The following GPHN variants were observed in gnomAD, a reference collection of about 807,000 sequenced individuals.
GPHN encodes gephyrin.
Under a neutral mutation model 95.5 loss-of-function variants are expected in GPHN, and 17 were observed. That is an observed-to-expected ratio of 0.18 (90% CI 0.12 to 0.27). The LOEUF (loss-of-function observed/expected upper bound fraction) is 0.27. GPHN is among the 10% of genes least tolerant of loss of function. GPHN has a pLI of 1.00. For missense variants in GPHN, 660 were observed against 978.1 expected (o/e 0.67, Z 4.34); for synonymous variants, 320 against 322.5 (o/e 0.99, Z 0.08).
In GPHN at chr14:67,159,472, G is replaced by A; in HGVS notation, c.1894G>A (p.Val632Ile). 1 of 1,603,914 alleles carries A rather than the reference G, an allele frequency of 6.2e-7. No individual in the cohort carries two copies. The highest frequency in any genetic ancestry group is 8.5e-7 in the Non-Finnish European group (1 of 1,170,788). ...TCATGCTCAGATCCATTTTGGCAGG[G>A]TTTTTATGAAACCAGGGTATGAAAA... ...DLHAQIHFGRVFMKPGLPTTF... is the reference protein window; with the variant it reads ...DLHAQIHFGRIFMKPGLPTTF... The change falls in exon 19 of 23, where the codon GTT (valine) becomes ATT (isoleucine). Residue 632 changes from valine (V) to isoleucine (I), a missense_variant. Physicochemically the swap from Val to Ile is conservative, Grantham distance 29. Coordinates refer to ENST00000478722, the MANE Select transcript of GPHN (RefSeq NM_020806.5).
At chr14:67,575,175 G>A in the GPHN span, among the ~76,000 whole-genome samples, 1 of 152,110 alleles carries the variant, frequency 6.6e-6, no homozygotes, top group Non-Finnish European at 1.5e-5. Context: ...TTCATGGCAG[G>A]TCATAGGTCA....
At chr14:67,323,960 T>C in the GPHN span, 1 of 534,586 alleles carries the variant, frequency 1.9e-6, no homozygotes, top group East Asian at 3.7e-5. Context: ...AAAATTGCCA[T>C]GGTTGCCACT....
chr14:67,102,528 C>T (rs566501531), intron 13 of GPHN, among the ~76,000 whole-genome samples: 1 of 151,858 alleles, frequency 6.6e-6, no homozygotes, highest in Non-Finnish European at 1.5e-5. Flanking sequence ...GGCGTGGTGG[C>T]ACATGGCTGT....
chr14:66,719,883 T>C (rs945322576), intron 2 of GPHN, among the ~76,000 whole-genome samples: 6 of 152,240 alleles, frequency 3.9e-5, no homozygotes, highest in African/African-American at 9.6e-5. Flanking sequence ...TACATTCAGG[T>C]ACTACTAGTG....
chr14:66,526,839 T>C (rs1421022282), intron 1 of GPHN, among the ~76,000 whole-genome samples: 2 of 152,210 alleles, frequency 1.3e-5, no homozygotes, highest in African/African-American at 4.8e-5. Context: ...TTGATCATGG[T>C]GGAAAAGCTT....
At chr14:67,333,650 A>G in the GPHN span, 1 of 152,644 alleles carries the variant, frequency 6.6e-6, no homozygotes, top group Non-Finnish European at 1.5e-5. Flanking sequence ...ACTTAAAGGT[A>G]TACAAAATAT....
At chr14:67,534,900 G>T in the GPHN span, among the ~76,000 whole-genome samples, 1 of 152,122 alleles carries the variant, frequency 6.6e-6, no homozygotes, top group Non-Finnish European at 1.5e-5. Context: ...TATATGAAAT[G>T]GTGTACATCA....
chr14:66,858,754 G>T (rs1042641692), intron 4 of GPHN, among the ~76,000 whole-genome samples: 1 of 152,130 alleles, frequency 6.6e-6, no homozygotes, highest in Non-Finnish European at 1.5e-5. Flanking sequence ...AACCTGCCCT[G>T]GGCCACAGGG....
intron 9 of GPHN, among the ~76,000 whole-genome samples, chr14:67,011,768 T>G (rs1466438928): frequency 6.7e-6 from 1 of 149,806 alleles, no homozygotes; most frequent in Admixed American, 6.6e-5. Flanking sequence ...TTTCAGTGTG[T>G]GCTATGAAGA....
chr14:66,690,342 G>A (rs867503823), intron 2 of GPHN, among the ~76,000 whole-genome samples: 1 of 152,018 alleles, frequency 6.6e-6, no homozygotes, highest in Non-Finnish European at 1.5e-5. Context: ...CACAGTTTCA[G>A]TAGTTCCTTT....
chr14:66,989,167 T>C (rs1215604526), intron 9 of GPHN, among the ~76,000 whole-genome samples: 1 of 152,000 alleles, frequency 6.6e-6, no homozygotes, highest in African/African-American at 2.4e-5. Context: ...AGCTACTCTT[T>C]GTTTTCTGCA....
intron 16 of GPHN, among the ~76,000 whole-genome samples, chr14:67,121,041 G>C (rs2078985652): frequency 6.6e-6 from 1 of 152,288 alleles, no homozygotes; most frequent in Middle Eastern, 3.4e-3. Context: ...TTGTCTGGGA[G>C]AATTCATATA....
At chr14:66,528,134 G>C (rs1439930692) in intron 1 of GPHN, among the ~76,000 whole-genome samples, 1 of 152,194 alleles carries the variant, frequency 6.6e-6, no homozygotes, top group Non-Finnish European at 1.5e-5. Flanking sequence ...CTTGCATTAT[G>C]AATCTGGGTG....
At chr14:67,461,183 A>G in the GPHN span, among the ~76,000 whole-genome samples, 1 of 152,296 alleles carries the variant, frequency 6.6e-6, no homozygotes, top group Middle Eastern at 3.4e-3. Context: ...GTCTCTCCTA[A>G]TAGTTGACAT....
chr14:67,688,445 T>C, the GPHN span, among the ~76,000 whole-genome samples: 29 of 152,306 alleles, frequency 1.9e-4, no homozygotes, highest in Non-Finnish European at 8.8e-5. Context: ...TTGTGCATGA[T>C]ACATACATAT....
chr14:66,613,736 A>C (rs2062880815), intron 1 of GPHN, among the ~76,000 whole-genome samples: 1 of 151,934 alleles, frequency 6.6e-6, no homozygotes, highest in African/African-American at 2.4e-5. Context: ...TCTGTGAATA[A>C]TGAAGATTGT....
At chr14:66,868,762 G>A (rs1327981970) in intron 4 of GPHN, among the ~76,000 whole-genome samples, 1 of 152,026 alleles carries the variant, frequency 6.6e-6, no homozygotes, top group Non-Finnish European at 1.5e-5. Context: ...TTTTTCCTAT[G>A]AAGTTAAAAT....
At chr14:67,292,193 T>A in the GPHN span, among the ~76,000 whole-genome samples, 1 of 152,204 alleles carries the variant, frequency 6.6e-6, no homozygotes, top group Non-Finnish European at 1.5e-5. Context: ...AGAAAAAATA[T>A]TTCTAGGTGA....
intron 10 of GPHN, among the ~76,000 whole-genome samples, chr14:67,030,750 C>T (rs2074154098): frequency 6.6e-6 from 1 of 152,150 alleles, no homozygotes; most frequent in Non-Finnish European, 1.5e-5. Flanking sequence ...GTCCTCTCTA[C>T]TCCACCCTAA....
Sources: allele counts gnomAD v4.1 joint callset (sites outside exome capture counted in the v4.1 genomes callset), GRCh38; gene constraint gnomAD v4.1.1; transcripts MANE v1.5; gene names NCBI Gene and HGNC (gene_info 2026-07-23, HGNC 2026-07-21).